Variants in DOCK1 observed in about 807,000 individuals in gnomAD.
DOCK1 encodes dedicator of cytokinesis protein 1.
DOCK1 carries 138 observed loss-of-function variants against 262.7 expected under a neutral mutation model. The observed-to-expected ratio is 0.53, with a 90% CI of 0.46 to 0.61. The LOEUF (loss-of-function observed/expected upper bound fraction) is 0.61, where lower values mean the gene tolerates loss of function less well. Ranked by LOEUF, DOCK1 falls within the 20% of genes least tolerant of loss-of-function variation. The pLI is 0.00. For missense variants in DOCK1, 1,908 were observed against 2,370.7 expected (o/e 0.80, Z 4.05); for synonymous variants, 866 against 867.4 (o/e 1.00, Z 0.03).
intron 1 of DOCK1, among the ~76,000 whole-genome samples, chr10:126,916,538 G>A (rs1184095700): frequency 6.6e-6 from 1 of 152,174 alleles, no homozygotes; most frequent in Non-Finnish European, 1.5e-5. Context: ...GATGAAGCCT[G>A]TATGTTTCAG....
At chr10:127,237,135 G>C (rs1213636100) in intron 27 of DOCK1, among the ~76,000 whole-genome samples, 1 of 152,130 alleles carries the variant, frequency 6.6e-6, no homozygotes, top group Non-Finnish European at 1.5e-5. Flanking sequence ...GAGGCGGGCA[G>C]ATCACCTGAG....
chr10:127,127,907 C>A, intron 27 of DOCK1, 143 bp downstream of exon 27: 1 of 573,442 alleles, frequency 1.7e-6, no homozygotes, highest in Non-Finnish European at 2.7e-6. Flanking sequence ...CCTCATTTTC[C>A]AAATGAATGT....
intron 29 of DOCK1, among the ~76,000 whole-genome samples, chr10:127,310,421 A>T (rs2135492974): frequency 6.6e-6 from 1 of 152,348 alleles, no homozygotes; most frequent in East Asian, 1.9e-4. Context: ...CGGGAGGCCA[A>T]GGGCATGGCC....
At chr10:127,103,302 C>T (rs886916533) in intron 23 of DOCK1, among the ~76,000 whole-genome samples, 2 of 152,172 alleles carry the variant, frequency 1.3e-5, no homozygotes, top group Non-Finnish European at 2.9e-5. Flanking sequence ...CAATGTGCTG[C>T]GACTCTGGGT....
In DOCK1 at chr10:126,905,489, G is replaced by A. The variant is rs766387951; in HGVS notation, c.-29G>A. ...TGGCGGCCTAGACGCGGAGTTTCCT[G>A]CCCGACCCGCGGCGGCTCCGGCGGC... On this transcript the variant is annotated 5_prime_UTR_variant, in exon 1 of 52. Transcript: ENST00000623213. The A allele has an allele frequency of 1.9e-6, 1 of 530,096 alleles. No individual in the cohort carries two copies. Among genetic ancestry groups the A allele is most frequent in the East Asian group, 3.7e-5 (1 of 27,024 alleles). The allele number at this position is 530,096 out of a possible 1,614,324, so 32.8% of individuals were successfully genotyped here.
chr10:127,052,857 G>T, intron 22 of DOCK1, 42 bp downstream of exon 22: 2 of 1,574,038 alleles, frequency 1.3e-6, no homozygotes, highest in Non-Finnish European at 8.6e-7. Flanking sequence ...TCAGAGGACT[G>T]GCAGGAGATC....
rs1051039 is a variant in DOCK1, at chr10:127,452,339, G to T, written c.*912G>T. 6.6e-6 allele frequency: 1 copy of T among 151,198 alleles called. No homozygotes were observed. The highest frequency in any genetic ancestry group is 1.5e-5 in the Non-Finnish European group (1 of 67,776). The allele number at this position is 151,198 out of a possible 1,614,324, so 9.4% of individuals were successfully genotyped here. A position where few individuals can be genotyped will look rare whatever the true frequency, so the allele number is the denominator to read the frequency against. ...ACACACACACACACATTTTTTTTTT[G>T]AGAACTCCAAAGTCCTGAAAATTTT... On this transcript the variant is annotated 3_prime_UTR_variant, in exon 52 of 52. Coordinates refer to ENST00000623213, the MANE Select transcript of DOCK1 (RefSeq NM_001290223.2).
chr10:127,024,862 T>G, intron 15 of DOCK1, 79 bp downstream of exon 15: 1 of 1,279,442 alleles, frequency 7.8e-7, no homozygotes, highest in Non-Finnish European at 1.1e-6. Context: ...CATCCTAACA[T>G]CCTCCTCAGC....
intron 28 of DOCK1, among the ~76,000 whole-genome samples, chr10:127,249,406 T>C (rs10764912): frequency 1.8e-3 from 6 of 3,246 alleles, no homozygotes; most frequent in Middle Eastern, 0.5. Context: ...CATATATACA[T>C]ATATATATAC....
intron 18 of DOCK1, among the ~76,000 whole-genome samples, chr10:127,036,224 C>T (rs942455060): frequency 2.0e-5 from 3 of 152,114 alleles, no homozygotes; most frequent in Non-Finnish European, 4.4e-5. Flanking sequence ...GGTGAAGTTA[C>T]CTCCCCAGGC....
chr10:127,449,958 G>A (rs971158064), intron 51 of DOCK1, among the ~76,000 whole-genome samples: 5 of 152,104 alleles, frequency 3.3e-5, no homozygotes, highest in Non-Finnish European at 5.9e-5. Context: ...CATTTGCAGC[G>A]CTGTGTTGGT....
At chr10:127,247,169 C>T (rs1424868076) in intron 27 of DOCK1, among the ~76,000 whole-genome samples, 1 of 152,184 alleles carries the variant, frequency 6.6e-6, no homozygotes, top group African/African-American at 2.4e-5. Context: ...ATACTGGCTG[C>T]CTCCATTTGC....
At chr10:127,204,896 G>A (rs919855087) in intron 27 of DOCK1, among the ~76,000 whole-genome samples, 6 of 152,062 alleles carry the variant, frequency 3.9e-5, no homozygotes, top group African/African-American at 1.2e-4. Context: ...CCTATGACCC[G>A]CCTCCAGATC....
chr10:127,043,053 T>C lies in DOCK1; in HGVS notation c.2101-11T>C. ...TGTTGCTAATGAAAATATTATTGAT[T>C]AATTTGACAGGTATTTATCATTGGA... On this transcript the variant is annotated splice_polypyrimidine_tract_variant and intron_variant, in intron 20 of 51. Transcript: ENST00000623213. 6.3e-7 allele frequency: 1 copy of C among 1,578,634 alleles called. No homozygotes were observed.
intron 27 of DOCK1, among the ~76,000 whole-genome samples, chr10:127,187,790 G>C (rs2056419940): frequency 6.6e-6 from 1 of 152,094 alleles, no homozygotes; most frequent in Non-Finnish European, 1.5e-5. Flanking sequence ...AAGCAAGCAA[G>C]CAAGCAAGCA....
At chr10:127,236,835 T>A (rs2059085674) in intron 27 of DOCK1, among the ~76,000 whole-genome samples, 1 of 152,142 alleles carries the variant, frequency 6.6e-6, no homozygotes, top group Non-Finnish European at 1.5e-5. Flanking sequence ...GCAAATATCC[T>A]TAAATACATA....
intron 27 of DOCK1, among the ~76,000 whole-genome samples, chr10:127,214,155 A>G (rs2058100950): frequency 6.6e-6 from 1 of 151,836 alleles, no homozygotes; most frequent in Non-Finnish European, 1.5e-5. Context: ...CCTTTTTTTC[A>G]CTTTTAAATC....
At chr10:127,010,593 A>T (rs1471110049) in intron 11 of DOCK1, among the ~76,000 whole-genome samples, 1 of 152,218 alleles carries the variant, frequency 6.6e-6, no homozygotes, top group Non-Finnish European at 1.5e-5. Context: ...TACATAGCAC[A>T]TCTCCAGCAC....
chr10:127,261,935 T>C (rs1564946512), intron 29 of DOCK1, among the ~76,000 whole-genome samples: 2 of 145,914 alleles, frequency 1.4e-5, no homozygotes, highest in Non-Finnish European at 3.0e-5. Context: ...TCTGTGTGCA[T>C]GTGGGTGTGT....
Sources: gnomAD v4.1 joint callset for allele counts (sites outside exome capture counted in the v4.1 genomes callset) on GRCh38, gnomAD v4.1.1 for gene constraint, MANE v1.5 for transcripts, NCBI Gene and HGNC (gene_info 2026-07-23, HGNC 2026-07-21) for gene names.